LRRC7: variants seen among roughly 807,000 people sequenced by gnomAD.
LRRC7 encodes leucine rich repeat containing 7.
LRRC7 carries 23 observed loss-of-function variants against 175.7 expected under a neutral mutation model. That is an observed-to-expected ratio of 0.13 (90% confidence interval 0.09 to 0.19). The LOEUF is 0.19. Among genes scored for constraint, LRRC7 ranks in the 10% least tolerant of loss-of-function variants. The pLI, the probability that LRRC7 is intolerant of heterozygous loss-of-function variation, is 1.00. For synonymous variants in LRRC7, 685 were observed against 680.9 expected, an observed-to-expected ratio of 1.01 and a Z score of -0.09; for missense variants, 1,354 against 1,904.7, an observed-to-expected ratio of 0.71 and a Z score of 5.38.
At chr1:70,061,086 T>C (rs1184659673) in intron 23 of LRRC7, among the ~76,000 whole-genome samples, 1 of 151,950 alleles carries the variant, frequency 6.6e-6, no homozygotes, top group Non-Finnish European at 1.5e-5. Context: ...AGAACAATCT[T>C]CTCCATCACT....
intron 7 of LRRC7, among the ~76,000 whole-genome samples, chr1:69,839,785 C>T (rs760855497): frequency 4.0e-5 from 6 of 151,856 alleles, no homozygotes; most frequent in Non-Finnish European, 7.4e-5. Context: ...GTTAGGTTTT[C>T]AAATATATAT....
chr1:69,914,328 A>C (rs1427941283), intron 7 of LRRC7, among the ~76,000 whole-genome samples: 1 of 152,204 alleles, frequency 6.6e-6, no homozygotes, highest in Non-Finnish European at 1.5e-5. Flanking sequence ...ATAGAAAGAA[A>C]ATCATAGATT....
chr1:69,908,323 C>G (rs1041732306), intron 7 of LRRC7, among the ~76,000 whole-genome samples: 5 of 151,954 alleles, frequency 3.3e-5, no homozygotes, highest in Non-Finnish European at 7.4e-5. Flanking sequence ...TGTGTTTGCT[C>G]TTGCTTTTCT....
At chr1:69,978,751 G>A (rs1570889390) in intron 8 of LRRC7, among the ~76,000 whole-genome samples, 1 of 152,160 alleles carries the variant, frequency 6.6e-6, no homozygotes, top group Admixed American at 6.5e-5. Flanking sequence ...AGGATGTGTA[G>A]ATAACCTCCA....
At chr1:69,991,270 T>C (rs1654411539) in intron 10 of LRRC7, among the ~76,000 whole-genome samples, 1 of 152,152 alleles carries the variant, frequency 6.6e-6, no homozygotes, top group African/African-American at 2.4e-5. Flanking sequence ...CCTTCTGGTC[T>C]GAAGAAGTCA....
intron 1 of LRRC7, among the ~76,000 whole-genome samples, chr1:69,580,673 C>G (rs1370094461): frequency 6.6e-6 from 1 of 152,148 alleles, no homozygotes; most frequent in African/African-American, 2.4e-5. Context: ...TAAGTTCTTG[C>G]CTGCCTGCAT....
chr1:69,687,344 A>G (rs932538058), intron 2 of LRRC7, among the ~76,000 whole-genome samples: 1 of 151,940 alleles, frequency 6.6e-6, no homozygotes, highest in Non-Finnish European at 1.5e-5. Context: ...CCCTGTATCT[A>G]CAAAAATACA....
At chr1:69,631,006 G>A (rs1175933821) in intron 1 of LRRC7, among the ~76,000 whole-genome samples, 1 of 151,864 alleles carries the variant, frequency 6.6e-6, no homozygotes, top group East Asian at 1.9e-4. Flanking sequence ...TACATTGACT[G>A]CCTGCACTTC....
chr1:70,019,950 T>G (rs1657310645), intron 15 of LRRC7, among the ~76,000 whole-genome samples: 1 of 152,038 alleles, frequency 6.6e-6, no homozygotes, highest in East Asian at 1.9e-4. Context: ...GTATCTCATA[T>G]TCACTGGTCA....
At chr1:69,939,045 A>G (rs1648410090) in intron 8 of LRRC7, among the ~76,000 whole-genome samples, 1 of 64,362 alleles carries the variant, frequency 1.6e-5, no homozygotes, top group African/African-American at 4.0e-5. Context: ...ATATATCTAT[A>G]TCTATCTCAC....
At chr1:69,945,960 C>A (rs1013915409) in intron 8 of LRRC7, among the ~76,000 whole-genome samples, 1 of 152,044 alleles carries the variant, frequency 6.6e-6, no homozygotes, top group East Asian at 1.9e-4. Context: ...TATTTGCATG[C>A]CTATTTCTTT....
chr1:69,728,065 C>T (rs1330257773), intron 2 of LRRC7, among the ~76,000 whole-genome samples: 2 of 152,100 alleles, frequency 1.3e-5, no homozygotes, highest in Admixed American at 6.6e-5. Flanking sequence ...TGTGTATTTA[C>T]TGGCAGTTTT....
chr1:69,709,154 AGTG>A (rs1192016865), intron 2 of LRRC7, among the ~76,000 whole-genome samples: 5 of 152,242 alleles, frequency 3.3e-5, no homozygotes, highest in African/African-American at 1.2e-4. Flanking sequence ...TAGACTATGC[AGTG>A]GTAAGAAATT....
intron 2 of LRRC7, among the ~76,000 whole-genome samples, chr1:69,699,934 T>G (rs898765268): frequency 6.6e-6 from 1 of 152,142 alleles, no homozygotes; most frequent in African/African-American, 2.4e-5. Flanking sequence ...GGCTGAGGGG[T>G]CCTATGGAAG....
intron 23 of LRRC7, among the ~76,000 whole-genome samples, chr1:70,069,529 T>C (rs1662226727): frequency 6.6e-6 from 1 of 152,188 alleles, no homozygotes; most frequent in Non-Finnish European, 1.5e-5. Flanking sequence ...ATAGATTTCC[T>C]TGGGTTTGTT....
intron 1 of LRRC7, chr1:69,606,784 T>C (rs1177779979): frequency 6.6e-6 from 1 of 152,130 alleles, no homozygotes; most frequent in East Asian, 1.9e-4. Flanking sequence ...TAGAATGAAT[T>C]GCAACAACGG....
intron 2 of LRRC7, among the ~76,000 whole-genome samples, chr1:69,748,855 T>C (rs1669530463): frequency 6.6e-6 from 1 of 152,162 alleles, no homozygotes; most frequent in Non-Finnish European, 1.5e-5. Flanking sequence ...TTTATTCTTT[T>C]ATTCTGGGTC....
chr1:69,576,765 G>A (rs1645967082), intron 1 of LRRC7, among the ~76,000 whole-genome samples: 1 of 152,124 alleles, frequency 6.6e-6, no homozygotes, highest in South Asian at 2.1e-4. Context: ...GTACTGTTCA[G>A]AGGCTCGTGG....
intron 7 of LRRC7, among the ~76,000 whole-genome samples, chr1:69,878,442 G>A (rs538357843): frequency 5.3e-5 from 8 of 152,258 alleles, no homozygotes; most frequent in African/African-American, 1.7e-4. Context: ...GAGATACAGT[G>A]TTTTTAGAGA....
Sources: allele counts gnomAD v4.1 joint callset (sites outside exome capture counted in the v4.1 genomes callset), GRCh38; gene constraint gnomAD v4.1.1; transcripts MANE v1.5; gene names NCBI Gene and HGNC (gene_info 2026-07-23, HGNC 2026-07-21).